The following FRMD4A variants were observed in gnomAD, a reference collection of about 807,000 sequenced individuals.
FRMD4A encodes FERM domain-containing protein 4A.
In FRMD4A, 29 loss-of-function variants were observed where a neutral mutation model predicts 129.1. The ratio of observed to expected loss-of-function variants is 0.22; its 90% confidence interval spans 0.17 to 0.31. The LOEUF (loss-of-function observed/expected upper bound fraction) is 0.31, where lower values mean the gene tolerates loss of function less well. FRMD4A is among the 10% of genes least tolerant of loss of function. The pLI, the probability that FRMD4A is intolerant of heterozygous loss-of-function variation, is 1.00. For missense variants in FRMD4A, 1,272 were observed against 1,375.8 expected, an observed-to-expected ratio of 0.92 and a Z score of 1.19; for synonymous variants, 634 against 571.6, an observed-to-expected ratio of 1.11 and a Z score of -1.56.
intron 2 of FRMD4A, among the ~76,000 whole-genome samples, chr10:13,940,983 A>G (rs1434425278): frequency 6.6e-6 from 1 of 152,204 alleles, no homozygotes; most frequent in Non-Finnish European, 1.5e-5. Flanking sequence ...GGATGGGAAG[A>G]TTCTAATGAA....
rs2081046827 is a variant in FRMD4A, at chr10:13,645,215, T to C, written c.*1823A>G. On this transcript the variant is annotated 3_prime_UTR_variant, in exon 25 of 25. Coordinates refer to ENST00000357447, the MANE Select transcript of FRMD4A (RefSeq NM_018027.5). ...TGGTTATTCTTGGATTCCACATACA[T>C]GAAAAGCGAAGATTTTTCTTTGTTT... is the stretch of plus-strand genomic sequence containing the variant. The C allele has an allele frequency of 6.6e-6, 1 of 152,176 alleles. No homozygotes were observed. The highest frequency in any genetic ancestry group is 1.5e-5 in the Non-Finnish European group (1 of 68,010). The allele number at this position is 152,176 out of a possible 1,614,324, so 9.4% of individuals were successfully genotyped here.
chr10:13,925,652 C>T (rs1350494003), intron 2 of FRMD4A, among the ~76,000 whole-genome samples: 6 of 129,702 alleles, frequency 4.6e-5, no homozygotes, highest in African/African-American at 8.9e-5. Context: ...GGCGTGATCT[C>T]GGCTCACTGC....
intron 3 of FRMD4A, among the ~76,000 whole-genome samples, chr10:13,856,112 C>A (rs971880410): frequency 1.3e-5 from 2 of 151,514 alleles, no homozygotes; most frequent in Non-Finnish European, 2.9e-5. Flanking sequence ...GTGCGTGTAT[C>A]TATCTATGTA....
chr10:13,975,623 G>A lies in FRMD4A; in HGVS notation c.46-116711C>T, dbSNP rs1311726825. ...CTGTCTCGTGTGTGTCTATGTGTGTGTCTATCCATGTGTGTGTGAATCTCT... is the reference window on the plus strand; with the variant it reads ...CTGTCTCGTGTGTGTCTATGTGTGTATCTATCCATGTGTGTGTGAATCTCT... On this transcript the variant is annotated intron_variant, in intron 2 of 24. Transcript: ENST00000357447. Among the ~76,000 whole-genome samples the A allele has an allele frequency of 2.0e-5, 3 of 151,746 alleles. No homozygotes were observed. In the East Asian group the frequency reaches 5.8e-4, roughly 29 times the overall value.
intron 23 of FRMD4A, chr10:13,653,968 C>T: frequency 4.4e-6 from 1 of 229,312 alleles, no homozygotes; most frequent in Non-Finnish European, 8.1e-6. Flanking sequence ...CAGGACACAG[C>T]CCTTTTTCTT....
intron 2 of FRMD4A, among the ~76,000 whole-genome samples, chr10:13,878,458 G>T (rs866375190): frequency 3.2e-4 from 49 of 152,214 alleles, no homozygotes; most frequent in African/African-American, 1.2e-3. Flanking sequence ...CTTCAGAAAA[G>T]ACCTGGAAAT....
At chr10:14,263,154 G>A (rs746550795) in intron 2 of FRMD4A, among the ~76,000 whole-genome samples, 5 of 152,206 alleles carry the variant, frequency 3.3e-5, no homozygotes, top group Non-Finnish European at 7.3e-5. Flanking sequence ...GGTTTGGACT[G>A]ACTTGATTCT....
At chr10:14,033,695 G>A (rs950768542) in intron 2 of FRMD4A, among the ~76,000 whole-genome samples, 2 of 152,112 alleles carry the variant, frequency 1.3e-5, no homozygotes, top group African/African-American at 4.8e-5. Flanking sequence ...TGAGGCAGGA[G>A]AATCTCTTGA....
At chr10:14,189,842 TG>T (rs1267144754) in intron 2 of FRMD4A, among the ~76,000 whole-genome samples, 4 of 152,170 alleles carry the variant, frequency 2.6e-5, no homozygotes, top group Admixed American at 2.6e-4. Context: ...ATGAGAACAA[TG>T]GCAAAAGTGT....
intron 2 of FRMD4A, among the ~76,000 whole-genome samples, chr10:14,075,455 C>T (rs1835534063): frequency 6.6e-6 from 1 of 152,194 alleles, no homozygotes; most frequent in Non-Finnish European, 1.5e-5. Flanking sequence ...CCTTCCTGGG[C>T]ACTAGGAACA....
intron 2 of FRMD4A, among the ~76,000 whole-genome samples, chr10:14,246,770 C>T (rs1023956229): frequency 2.0e-5 from 3 of 152,164 alleles, no homozygotes; most frequent in East Asian, 1.9e-4. Context: ...GGTTAGGTCC[C>T]GCCTCGGTGG....
intron 3 of FRMD4A, among the ~76,000 whole-genome samples, chr10:13,811,630 A>G (rs1383678476): frequency 1.3e-5 from 2 of 151,870 alleles, no homozygotes; most frequent in African/African-American, 4.8e-5. Context: ...GTTAGGCATA[A>G]AGTCATGGTA....
intron 15 of FRMD4A, among the ~76,000 whole-genome samples, chr10:13,687,231 G>C (rs2085172747): frequency 6.6e-6 from 1 of 152,164 alleles, no homozygotes; most frequent in Non-Finnish European, 1.5e-5. Flanking sequence ...GGGAGGAAGA[G>C]GTTGCAGTGA....
chr10:13,762,819 T>C, intron 6 of FRMD4A, 139 bp from the exon 7 acceptor site: 3 of 634,534 alleles, frequency 4.7e-6, no homozygotes, highest in Non-Finnish European at 8.5e-6. Context: ...CATAATGAGA[T>C]GCTGCCTCTA....
At chr10:13,826,765 C>T (rs889571536) in intron 3 of FRMD4A, among the ~76,000 whole-genome samples, 6 of 152,188 alleles carry the variant, frequency 3.9e-5, no homozygotes, top group Admixed American at 2.0e-4. Flanking sequence ...AGTACAGTAC[C>T]GATACTGCTC....
At chr10:13,862,776 T>C (rs1412424077) in intron 2 of FRMD4A, among the ~76,000 whole-genome samples, 1 of 152,232 alleles carries the variant, frequency 6.6e-6, no homozygotes, top group Non-Finnish European at 1.5e-5. Context: ...GATTAGAGTA[T>C]CCTGTTCTTA....
Position 14,031,336 on chromosome 10 carries a change from C to T in FRMD4A, c.46-172424G>A, listed in dbSNP as rs148199590. On this transcript the variant is annotated intron_variant, in intron 2 of 24. Coordinates refer to ENST00000357447, the MANE Select transcript of FRMD4A (RefSeq NM_018027.5). The stretch of plus-strand genomic sequence containing the variant: ...AGGCTGGAGTGCAATGGCACAATCT[C>T]GGCTCACTGCAACCTCCGCCTCCCG... Among the ~76,000 whole-genome samples, 1,077 of 151,604 alleles carry T rather than the reference C, an allele frequency of 7.1e-3. 47 individuals carry two copies. The East Asian group carries it at 0.1, about 15-fold the overall frequency.
intron 8 of FRMD4A, among the ~76,000 whole-genome samples, chr10:13,748,856 C>T (rs1026262324): frequency 2.6e-5 from 4 of 152,080 alleles, no homozygotes; most frequent in Non-Finnish European, 4.4e-5. Flanking sequence ...CACTTCTGCT[C>T]CCAAGCATTT....
chr10:13,891,991 C>T (rs1228517461), intron 2 of FRMD4A, among the ~76,000 whole-genome samples: 2 of 151,352 alleles, frequency 1.3e-5, no homozygotes, highest in Admixed American at 1.3e-4. Flanking sequence ...GCCGCCACCG[C>T]CCGCCGCCCG....
Sources: allele counts gnomAD v4.1 joint callset (sites outside exome capture counted in the v4.1 genomes callset), GRCh38; gene constraint gnomAD v4.1.1; transcripts MANE v1.5; gene names NCBI Gene and HGNC (gene_info 2026-07-23, HGNC 2026-07-21).